LPIN2: variants seen among roughly 807,000 people sequenced by gnomAD.
LPIN2 encodes the protein phosphatidate phosphatase LPIN2.
Under a neutral mutation model 111.4 loss-of-function variants are expected in LPIN2, and 55 were observed. The ratio of observed to expected loss-of-function variants is 0.49; its 90% CI spans 0.40 to 0.62. The LOEUF is 0.62. Ranked by LOEUF, LPIN2 falls within the 20% of genes least tolerant of loss-of-function variation. The pLI is 0.00. For synonymous variants in LPIN2, 425 were observed against 414.0 expected, an observed-to-expected ratio of 1.03 and a Z score of -0.32; for missense variants, 992 against 1,112.1, an observed-to-expected ratio of 0.89 and a Z score of 1.54.
chr18:2,994,616 A>G (rs2078313787), intron 1 of LPIN2, among the ~76,000 whole-genome samples: 1 of 152,214 alleles, frequency 6.6e-6, no homozygotes. Context: ...CTTTGGATTT[A>G]CAGCTTTTAA....
At chr18:3,002,508 A>G (rs1249734683) in intron 1 of LPIN2, among the ~76,000 whole-genome samples, 1 of 152,192 alleles carries the variant, frequency 6.6e-6, no homozygotes, top group Non-Finnish European at 1.5e-5. Context: ...AAACACAAAG[A>G]TAAGGTCCCT....
At chr18:2,957,971 A>C (rs1274098345) in intron 2 of LPIN2, among the ~76,000 whole-genome samples, 1 of 151,416 alleles carries the variant, frequency 6.6e-6, no homozygotes, top group Non-Finnish European at 1.5e-5. Flanking sequence ...GAGAAACCCC[A>C]TCTCTACTAA....
intron 1 of LPIN2, among the ~76,000 whole-genome samples, chr18:3,008,263 G>T (rs1218997369): frequency 6.6e-6 from 1 of 152,138 alleles, no homozygotes; most frequent in Non-Finnish European, 1.5e-5. Context: ...GCAACATGAT[G>T]ATACCTTGTC....
chr18:2,960,069 C>T (rs1568573877), intron 2 of LPIN2, among the ~76,000 whole-genome samples: 1 of 152,094 alleles, frequency 6.6e-6, no homozygotes, highest in East Asian at 1.9e-4. Context: ...ACTTGGGAGG[C>T]TGAGGCAGGA....
intron 18 of LPIN2, 191 bp from the exon 19 acceptor site, chr18:2,921,072 A>AGTCCCATCACAGGGCTC: frequency 1.6e-6 from 1 of 638,246 alleles, no homozygotes. Flanking sequence ...GGAGAGTCAG[A>AGTCCCATCACAGGGCTC]AAACTTGGGC....
chr18:2,942,116 TCTTAA>T (rs970637263), intron 4 of LPIN2, among the ~76,000 whole-genome samples: 7 of 152,208 alleles, frequency 4.6e-5, no homozygotes, highest in Admixed American at 2.0e-4. Context: ...TTCCTTTATA[TCTTAA>T]CTTAACATAC....
At chr18:2,965,123 G>T (rs188914218) in intron 1 of LPIN2, among the ~76,000 whole-genome samples, 46 of 151,638 alleles carry the variant, frequency 3.0e-4, no homozygotes, top group Non-Finnish European at 7.4e-5. Flanking sequence ...AGTACTTATT[G>T]ATTACTCAAA....
At chr18:2,985,967 T>C (rs1448023399) in intron 1 of LPIN2, among the ~76,000 whole-genome samples, 2 of 152,184 alleles carry the variant, frequency 1.3e-5, no homozygotes, top group Admixed American at 6.5e-5. Context: ...AATTCCTCTA[T>C]AGTGAAGAAC....
At chr18:2,934,860 G>A (rs147273959) in intron 7 of LPIN2, among the ~76,000 whole-genome samples, 117 of 152,264 alleles carry the variant, frequency 7.7e-4, no homozygotes, top group Middle Eastern at 3.4e-3. Flanking sequence ...ATATTCACAT[G>A]GTGCCCAAGT....
chr18:3,004,605 G>A (rs963702625), intron 1 of LPIN2, among the ~76,000 whole-genome samples: 2 of 152,068 alleles, frequency 1.3e-5, no homozygotes, highest in Non-Finnish European at 2.9e-5. Context: ...CTCAAATCAG[G>A]AACCGTCAAA....
chr18:3,001,845 C>CTAATGAA (rs2078440040), intron 1 of LPIN2, among the ~76,000 whole-genome samples: 1 of 152,092 alleles, frequency 6.6e-6, no homozygotes, highest in African/African-American at 2.4e-5. Context: ...TGTGATATAG[C>CTAATGAA]CTAATGAATA....
Position 3,011,337 on chromosome 18 carries a change from G to A in LPIN2, c.-10+1750C>T, listed in dbSNP as rs2078598893. ...GCCATCAAACGTTAAAACAGAACCT[G>A]TCGTTTCATTTCTAGCTTTCTATGG... On this transcript the variant is annotated intron_variant, in intron 1 of 19. Coordinates refer to ENST00000677752, the MANE Select transcript of LPIN2 (RefSeq NM_001375808.2). Among the ~76,000 whole-genome samples, 5 of 152,158 alleles carry A rather than the reference G, an allele frequency of 3.3e-5. No homozygotes were observed. In the South Asian group the frequency reaches 1.0e-3, roughly 32 times the overall value.
chr18:2,988,585 C>A (rs796436998), intron 1 of LPIN2, among the ~76,000 whole-genome samples: 3 of 152,102 alleles, frequency 2.0e-5, no homozygotes, highest in Non-Finnish European at 4.4e-5. Flanking sequence ...CAGATGGTGA[C>A]GGTAATTGCA....
Position 2,917,399 on chromosome 18 carries a change from T to G in LPIN2, c.*2894A>C, listed in dbSNP as rs1310134143. On this transcript the variant is annotated 3_prime_UTR_variant, in exon 20 of 20. Transcript: ENST00000677752. ...TCTGTTTTTGCCAACTTGTAAAAAG[T>G]GAAAGAGCTGACTTCCTTGTTTATT... The G allele has an allele frequency of 2.0e-5, 3 of 152,178 alleles. No individual in the cohort carries two copies. Among genetic ancestry groups the G allele is most frequent in the African/African-American group, 7.2e-5 (3 of 41,442 alleles). 9.4% of individuals were successfully genotyped at this position (152,178 alleles called of 1,614,324 possible).
chr18:2,993,036 C>T (rs774430133), intron 1 of LPIN2, among the ~76,000 whole-genome samples: 2 of 150,358 alleles, frequency 1.3e-5, no homozygotes, highest in African/African-American at 4.9e-5. Context: ...ATCTGTAGTA[C>T]TCAGAGGCTG....
In LPIN2 at chr18:2,922,037, G is replaced by GGA; in HGVS notation, c.2327+8_2327+9dup. ...GGCGGTGGGCAGAGGGCTGCCTGCC[G>GGA]GAGAGGTACCTGTGGAAGGCGGAGA... On this transcript the variant is annotated intron_variant, in intron 17 of 19. Transcript: ENST00000677752. The GGA allele has an allele frequency of 6.2e-7, 1 of 1,610,480 alleles. No individual in the cohort carries two copies. Among genetic ancestry groups the GGA allele is most frequent in the Non-Finnish European group, 8.5e-7 (1 of 1,177,752 alleles).
chr18:2,987,065 G>C (rs2078197512), intron 1 of LPIN2, among the ~76,000 whole-genome samples: 1 of 152,090 alleles, frequency 6.6e-6, no homozygotes. Context: ...ATAGCAGTTT[G>C]CACAGTGATG....
At chr18:2,920,709 A>G in intron 19 of LPIN2, 69 bp downstream of exon 19, 1 of 1,162,828 alleles carries the variant, frequency 8.6e-7, no homozygotes, top group Non-Finnish European at 1.3e-6. Flanking sequence ...GGAAAAGGAC[A>G]GGGTCTGTCT....
chr18:2,940,814 G>T, intron 4 of LPIN2, 102 bp from the exon 5 acceptor site: 1 of 732,688 alleles, frequency 1.4e-6, no homozygotes, highest in South Asian at 1.5e-5. Context: ...AAATGAAGAG[G>T]GGCAAATGAT....
Sources: allele counts gnomAD v4.1 joint callset (sites outside exome capture counted in the v4.1 genomes callset), GRCh38; gene constraint gnomAD v4.1.1; transcripts MANE v1.5; gene names NCBI Gene and HGNC (gene_info 2026-07-23, HGNC 2026-07-21).